FGD5: variants seen among roughly 807,000 people sequenced by gnomAD.
The protein encoded by FGD5 is FYVE, RhoGEF and PH domain containing 5.
A neutral mutation model predicts 133.4 loss-of-function variants in FGD5; 28 were observed. That is an observed-to-expected ratio of 0.21 (90% CI 0.16 to 0.29). FGD5 has a LOEUF of 0.29. Ranked by LOEUF, FGD5 falls within the 10% of genes least tolerant of loss-of-function variation. FGD5 has a pLI of 1.00. For synonymous variants in FGD5, 810 were observed against 776.5 expected, an observed-to-expected ratio of 1.04 and a Z score of -0.72; for missense variants, 1,858 against 1,895.2, an observed-to-expected ratio of 0.98 and a Z score of 0.36.
At chr3:14,835,867 T>G (rs746658000) in intron 1 of FGD5, among the ~76,000 whole-genome samples, 1 of 152,096 alleles carries the variant, frequency 6.6e-6, no homozygotes, top group Non-Finnish European at 1.5e-5. Context: ...CTGCAGAAGG[T>G]TCTCAGCGAA....
chr3:14,824,064 C>T (rs181352847), intron 1 of FGD5, among the ~76,000 whole-genome samples: 7 of 152,300 alleles, frequency 4.6e-5, no homozygotes, highest in South Asian at 2.1e-4. Context: ...TTCAAAAGCA[C>T]GGTTGCACCA....
chr3:14,922,000 T>G lies in FGD5; in HGVS notation c.3652T>G (p.Phe1218Val), dbSNP rs1285563512. ...CTACAAGGCCCAGGCGCTGGCTGCA[T>G]TCCACCATAGCGTGGAGGTGAGTGG... ...EDYKAQALAA[F>V]HHSVEIRERL... The change falls in exon 14 of 20, where the codon TTC becomes GTC. Residue 1218 changes from phenylalanine (F) to valine (V), a missense_variant. Phe to Val is a conservative substitution (Grantham distance 50, BLOSUM62 -1). Around this residue, in one of 3 missense-constraint regions of FGD5, gnomAD observed 1,824 missense variants for 1,848.9 expected, o/e 0.99. Coordinates refer to ENST00000285046, the MANE Select transcript of FGD5 (RefSeq NM_152536.4). 1 of 1,562,508 alleles carries G rather than the reference T, an allele frequency of 6.4e-7. No individual in the cohort carries two copies. The highest frequency in any genetic ancestry group is 1.2e-5 in the South Asian group (1 of 84,666).
intron 4 of FGD5, among the ~76,000 whole-genome samples, chr3:14,895,762 T>G (rs2038124187): frequency 6.6e-6 from 1 of 151,486 alleles, no homozygotes; most frequent in Non-Finnish European, 1.5e-5. Flanking sequence ...AAAGATGGGG[T>G]TTTGCCATGT....
At chr3:14,927,648 T>G (rs2038829847) in intron 18 of FGD5, among the ~76,000 whole-genome samples, 1 of 152,188 alleles carries the variant, frequency 6.6e-6, no homozygotes, top group Admixed American at 6.5e-5. Context: ...TCTACACCAC[T>G]GTGCACCCCT....
chr3:14,814,350 AT>A (rs1341888103), upstream of FGD5, among the ~76,000 whole-genome samples: 2 of 152,208 alleles, frequency 1.3e-5, no homozygotes, highest in African/African-American at 4.8e-5. Flanking sequence ...CTATTTTTTA[AT>A]TGTGAAAATC....
intron 1 of FGD5, among the ~76,000 whole-genome samples, chr3:14,847,365 T>C (rs1300338672): frequency 6.6e-6 from 1 of 152,126 alleles, no homozygotes; most frequent in East Asian, 1.9e-4. Context: ...TCCGAGATCA[T>C]GGGGTGAGTT....
At chr3:14,818,127 T>A (rs1488441141), upstream of FGD5, among the ~76,000 whole-genome samples, 1 of 152,236 alleles carries the variant, frequency 6.6e-6, no homozygotes, top group Non-Finnish European at 1.5e-5. Context: ...CCACATCTTT[T>A]ATTCTGCCAT....
chr3:14,913,883 C>T (rs1025522386), intron 11 of FGD5, among the ~76,000 whole-genome samples: 1 of 152,164 alleles, frequency 6.6e-6, no homozygotes, highest in Non-Finnish European at 1.5e-5. Flanking sequence ...GAAGCCTAGC[C>T]ACCACCCCCG....
rs532496166 is a variant in FGD5, at chr3:14,933,303, G to A, written c.*136G>A. The A allele has an allele frequency of 1.1e-4, 95 of 871,992 alleles. No homozygotes were observed. The highest frequency in any genetic ancestry group is 5.0e-4 in the Admixed American group (25 of 49,718). The allele number at this position is 871,992 out of a possible 1,614,324, so 54.0% of individuals were successfully genotyped here. On this transcript the variant is annotated 3_prime_UTR_variant, in exon 20 of 20. Transcript: ENST00000285046. ...AGGCCTGACCTTTTTTGCTATAACCGCCCCACCACTCCCCTGCCCTTGCCA... is the reference window on the plus strand; with the variant it reads ...AGGCCTGACCTTTTTTGCTATAACCACCCCACCACTCCCCTGCCCTTGCCA...
intron 10 of FGD5, among the ~76,000 whole-genome samples, chr3:14,910,482 A>G (rs1023625351): frequency 1.3e-5 from 2 of 152,192 alleles, no homozygotes; most frequent in Non-Finnish European, 2.9e-5. Flanking sequence ...CCTGAGCTCA[A>G]GTGATCCTTT....
At chr3:14,838,405 A>T (rs563243965) in intron 1 of FGD5, among the ~76,000 whole-genome samples, 1 of 152,266 alleles carries the variant, frequency 6.6e-6, no homozygotes, top group South Asian at 2.1e-4. Flanking sequence ...TTGCTAAATG[A>T]TGCAGAATAT....
chr3:14,889,067 C>G (rs1393047163), intron 4 of FGD5, among the ~76,000 whole-genome samples: 3 of 152,158 alleles, frequency 2.0e-5, no homozygotes, highest in Non-Finnish European at 4.4e-5. Flanking sequence ...GTAGCTGCAC[C>G]AGCTCCTGCA....
chr3:14,897,435 C>T (rs997734734), intron 4 of FGD5, 74 bp from the exon 5 acceptor site: 40 of 1,533,558 alleles, frequency 2.6e-5, no homozygotes, highest in Non-Finnish European at 3.5e-5. Context: ...TCCAAAGCCC[C>T]AGGGGAAATC....
intron 1 of FGD5, among the ~76,000 whole-genome samples, chr3:14,826,547 G>C (rs2036602865): frequency 1.3e-5 from 2 of 152,176 alleles, no homozygotes; most frequent in African/African-American, 4.8e-5. Context: ...GTCCTTATCT[G>C]TAAAAGGAGA....
intron 1 of FGD5, among the ~76,000 whole-genome samples, chr3:14,853,598 G>C (rs4684242): frequency 0.2 from 29,314 of 146,536 alleles, 2,997 homozygotes; most frequent in Middle Eastern, 0.29. Context: ...TTTGAGGTTG[G>C]AGTGCCCACT....
chr3:14,827,627 TTC>T (rs1224696261), intron 1 of FGD5, among the ~76,000 whole-genome samples: 1 of 152,148 alleles, frequency 6.6e-6, no homozygotes, highest in African/African-American at 2.4e-5. Context: ...AAGGACACCT[TTC>T]TTTTCTGCTG....
intron 1 of FGD5, among the ~76,000 whole-genome samples, chr3:14,841,903 T>G (rs1575201374): frequency 6.6e-6 from 1 of 152,318 alleles, no homozygotes; most frequent in East Asian, 1.9e-4. Context: ...TCTGCAGTCC[T>G]TTCTTTCCAG....
chr3:14,830,521 A>T (rs1023667123), intron 1 of FGD5, among the ~76,000 whole-genome samples: 8 of 152,200 alleles, frequency 5.3e-5, no homozygotes, highest in African/African-American at 1.9e-4. Context: ...TGTTAATCAC[A>T]ATGTGGTTTT....
At chr3:14,851,113 C>G (rs1436589485) in intron 1 of FGD5, among the ~76,000 whole-genome samples, 1 of 151,904 alleles carries the variant, frequency 6.6e-6, no homozygotes, top group Admixed American at 6.6e-5. Context: ...GAGGTGGGAC[C>G]AGAACCCAGG....
Sources: allele counts gnomAD v4.1 joint callset (sites outside exome capture counted in the v4.1 genomes callset), GRCh38; gene constraint gnomAD v4.1.1; regional missense constraint gnomAD v4.1.1; transcripts MANE v1.5; gene names NCBI Gene and HGNC (gene_info 2026-07-23, HGNC 2026-07-21).